Variants in THRB observed in about 807,000 individuals in gnomAD.
THRB encodes the protein thyroid hormone receptor beta.
In THRB, 12 loss-of-function variants were observed where a neutral mutation model predicts 47.8. The observed-to-expected ratio is 0.25, with a 90% CI of 0.16 to 0.41. THRB has a LOEUF of 0.41. Among genes scored for constraint, THRB ranks in the 10% least tolerant of loss-of-function variants. THRB has a pLI of 1.00. For missense variants in THRB, 348 were observed against 589.2 expected (o/e 0.59, Z 4.24); for synonymous variants, 218 against 212.2 (o/e 1.03, Z -0.24).
At chr3:24,286,151 T>C (rs189984225) in intron 3 of THRB, among the ~76,000 whole-genome samples, 2 of 152,296 alleles carry the variant, frequency 1.3e-5, no homozygotes, top group Admixed American at 1.3e-4. Flanking sequence ...ACCTTGACCT[T>C]GGACACCCAA....
At chr3:24,194,364 A>T (rs892050506) in intron 4 of THRB, among the ~76,000 whole-genome samples, 2 of 152,086 alleles carry the variant, frequency 1.3e-5, no homozygotes, top group African/African-American at 4.8e-5. Flanking sequence ...TTTTTAAAAA[A>T]CGAGCATTCT....
chr3:24,491,205 T>A (rs902924614), intron 1 of THRB, among the ~76,000 whole-genome samples: 1 of 152,184 alleles, frequency 6.6e-6, no homozygotes, highest in African/African-American at 2.4e-5. Flanking sequence ...TTAATTATCT[T>A]CCCTCCTCTA....
At chr3:24,167,911 G>C (rs1318653360) in intron 5 of THRB, among the ~76,000 whole-genome samples, 1 of 152,072 alleles carries the variant, frequency 6.6e-6, no homozygotes, top group Non-Finnish European at 1.5e-5. Flanking sequence ...ATACTGCAGT[G>C]AAAAAGGAAA....
intron 4 of THRB, among the ~76,000 whole-genome samples, chr3:24,201,716 A>C (rs2044618032): frequency 1.3e-5 from 2 of 152,296 alleles, no homozygotes; most frequent in South Asian, 4.1e-4. Context: ...ATACATGCAG[A>C]AATTAAAAGA....
At chr3:24,293,348 T>C (rs2056137485) in intron 3 of THRB, among the ~76,000 whole-genome samples, 1 of 152,114 alleles carries the variant, frequency 6.6e-6, no homozygotes, top group South Asian at 2.1e-4. Context: ...GAAATGAAAA[T>C]CATAGAGAAA....
chr3:24,476,956 T>G (rs567466400), intron 1 of THRB, among the ~76,000 whole-genome samples: 259 of 151,840 alleles, frequency 1.7e-3, no homozygotes, highest in African/African-American at 5.9e-3. Flanking sequence ...ATTTGAACAC[T>G]GGCCAATATA....
intron 1 of THRB, among the ~76,000 whole-genome samples, chr3:24,429,063 C>T (rs1009014869): frequency 3.3e-5 from 5 of 151,510 alleles, no homozygotes; most frequent in African/African-American, 1.2e-4. Flanking sequence ...AGGGGAGAAA[C>T]GTAGGTTTGG....
At chr3:24,271,743 A>G (rs568298433) in intron 3 of THRB, among the ~76,000 whole-genome samples, 102 of 152,288 alleles carry the variant, frequency 6.7e-4, no homozygotes, top group Non-Finnish European at 1.1e-3. Flanking sequence ...AGTATATACT[A>G]CATGTACTAT....
chr3:24,451,628 C>A (rs1040209161), intron 1 of THRB, among the ~76,000 whole-genome samples: 17 of 152,300 alleles, frequency 1.1e-4, no homozygotes, highest in African/African-American at 3.8e-4. Context: ...TGCTCCTGAC[C>A]TGCTGCTTTC....
intron 1 of THRB, among the ~76,000 whole-genome samples, chr3:24,439,751 G>A (rs1577577851): frequency 6.6e-6 from 1 of 152,160 alleles, no homozygotes; most frequent in East Asian, 1.9e-4. Flanking sequence ...CCAAAGTGAT[G>A]AAAAATAGGT....
In THRB at chr3:24,146,790, G is replaced by C. The variant is rs750609052; in HGVS notation, c.417C>G (p.Leu139=). 18 of 1,613,830 alleles carry C rather than the reference G, an allele frequency of 1.1e-5. No homozygotes were observed. The African/African-American group carries it at 2.3e-4, about 20-fold the overall frequency. ...CATATTTACAGGAATAGGATGGATGGAGATTTTTCTGAATGGTTCTTCTAA... is the reference window on the plus strand; with the variant it reads ...CATATTTACAGGAATAGGATGGATGCAGATTTTTCTGAATGGTTCTTCTAA... ...GFFRRTIQKN[L]HPSYSCKYEG... Residue 139 remains leucine (L), a synonymous_variant, in exon 7 of 11, where the codon CTC becomes CTG. Transcript: ENST00000646209.
At chr3:24,420,500 A>G (rs2069139294) in intron 1 of THRB, among the ~76,000 whole-genome samples, 1 of 151,856 alleles carries the variant, frequency 6.6e-6, no homozygotes, top group Non-Finnish European at 1.5e-5. Context: ...TTTCTATGAA[A>G]CTTCCACACC....
At chr3:24,438,535 G>GTGTGTGTT (rs2071214344) in intron 1 of THRB, among the ~76,000 whole-genome samples, 1 of 151,512 alleles carries the variant, frequency 6.6e-6, no homozygotes, top group African/African-American at 2.4e-5. Context: ...GTGTGTGTGT[G>GTGTGTGTT]TGCACATGCA....
intron 5 of THRB, among the ~76,000 whole-genome samples, chr3:24,161,617 A>AAAACACACACACACACAC (rs2038832987): frequency 7.1e-6 from 1 of 141,100 alleles, no homozygotes; most frequent in Non-Finnish European, 1.5e-5. Context: ...AGAGCTACAG[A>AAAACACACACACACACAC]ACACACACAC....
intron 1 of THRB, among the ~76,000 whole-genome samples, chr3:24,396,960 C>CT (rs561920969): frequency 1.3e-5 from 2 of 151,996 alleles, no homozygotes; most frequent in East Asian, 1.9e-4. Context: ...TTTACCAGTT[C>CT]TTTTTTTGCT....
intron 8 of THRB, 66 bp from the exon 9 acceptor site, chr3:24,133,528 T>C: frequency 1.4e-6 from 2 of 1,463,228 alleles, no homozygotes; most frequent in African/African-American, 1.4e-5. Flanking sequence ...ATCATAGTTC[T>C]TATGTGGCAG....
At chr3:24,364,099 A>T (rs1378962565) in intron 1 of THRB, among the ~76,000 whole-genome samples, 2 of 152,164 alleles carry the variant, frequency 1.3e-5, no homozygotes, top group Admixed American at 6.6e-5. Context: ...TCAGTTATAA[A>T]GGCCTTGCCA....
chr3:24,173,452 C>A (rs1333783745), intron 5 of THRB, among the ~76,000 whole-genome samples: 2 of 152,156 alleles, frequency 1.3e-5, no homozygotes, highest in African/African-American at 2.4e-5. Flanking sequence ...GTTTTGGTGA[C>A]CATGCACTAC....
intron 1 of THRB, among the ~76,000 whole-genome samples, chr3:24,482,539 CT>C (rs1271545387): frequency 1.9e-3 from 134 of 68,776 alleles, no homozygotes; most frequent in African/African-American, 0.014. Flanking sequence ...TTCTGTCTCC[CT>C]CTCTCTCTCT....
Sources: gnomAD v4.1 joint callset for allele counts (sites outside exome capture counted in the v4.1 genomes callset) on GRCh38, gnomAD v4.1.1 for gene constraint, MANE v1.5 for transcripts, NCBI Gene and HGNC (gene_info 2026-07-23, HGNC 2026-07-21) for gene names.